KIAA0825: variants seen among roughly 807,000 people sequenced by gnomAD.
KIAA0825 encodes uncharacterized protein KIAA0825.
A neutral mutation model predicts 147.6 loss-of-function variants in KIAA0825; 119 were observed. The observed-to-expected ratio is 0.81, with a 90% CI of 0.69 to 0.94. The LOEUF (loss-of-function observed/expected upper bound fraction) is 0.94. Among genes scored for constraint, KIAA0825 ranks in the 40% least tolerant of loss-of-function variants. The pLI is 0.00. For missense variants in KIAA0825, 1,381 were observed against 1,472.7 expected, an observed-to-expected ratio of 0.94 and a Z score of 1.02; for synonymous variants, 470 against 518.1, an observed-to-expected ratio of 0.91 and a Z score of 1.26.
At chr5:94,329,277 G>T (rs1397204656) in intron 20 of KIAA0825, among the ~76,000 whole-genome samples, 2 of 151,754 alleles carry the variant, frequency 1.3e-5, no homozygotes, top group Non-Finnish European at 2.9e-5. Context: ...AAGCATAATT[G>T]GTGTCCCTAA....
At chr5:94,478,451 T>TCTCACACACACACA (rs1554289711) in intron 6 of KIAA0825, among the ~76,000 whole-genome samples, 80 of 146,246 alleles carry the variant, frequency 5.5e-4, no homozygotes, top group African/African-American at 1.9e-3. Context: ...CACATGTGCA[T>TCTCACACACACACA]CACACACACA....
intron 20 of KIAA0825, among the ~76,000 whole-genome samples, chr5:94,371,548 C>T (rs191474613): frequency 1.2e-4 from 19 of 152,154 alleles, no homozygotes; most frequent in African/African-American, 3.6e-4. Flanking sequence ...GAGAGCCGAG[C>T]GAGGGGGGAA....
intron 8 of KIAA0825, among the ~76,000 whole-genome samples, chr5:94,472,550 C>T (rs531212564): frequency 6.6e-6 from 1 of 152,246 alleles, no homozygotes; most frequent in African/African-American, 2.4e-5. Context: ...TGAGACCATC[C>T]TGACTAACAC....
chr5:94,223,182 C>T (rs542137621), intron 20 of KIAA0825, among the ~76,000 whole-genome samples: 4 of 152,226 alleles, frequency 2.6e-5, no homozygotes, highest in African/African-American at 7.2e-5. Flanking sequence ...TTTTAACTTT[C>T]GAAAGTTAAT....
Position 94,466,291 on chromosome 5 carries a change from G to A in KIAA0825, c.1873-1232C>T, listed in dbSNP as rs188598784. Among the ~76,000 whole-genome samples, 8 of 152,068 alleles carry A rather than the reference G, an allele frequency of 5.3e-5. No homozygotes were observed. The East Asian group carries it at 5.8e-4, about 11-fold the overall frequency. On this transcript the variant is annotated intron_variant, in intron 10 of 20. Transcript: ENST00000682413. ...TAATAATTTATAGTTATTATCTACCGACTTTCAAATGACATTTATAAACCA... is the reference window on the plus strand; with the variant it reads ...TAATAATTTATAGTTATTATCTACCAACTTTCAAATGACATTTATAAACCA...
chr5:94,589,981 C>T (rs193018755), intron 1 of KIAA0825, among the ~76,000 whole-genome samples: 1 of 151,922 alleles, frequency 6.6e-6, no homozygotes, highest in African/African-American at 2.4e-5. Flanking sequence ...AGGTAGACTC[C>T]AATGGTTTCT....
At chr5:94,188,478 C>T (rs1770362250) in intron 20 of KIAA0825, among the ~76,000 whole-genome samples, 1 of 152,128 alleles carries the variant, frequency 6.6e-6, no homozygotes, top group African/African-American at 2.4e-5. Flanking sequence ...GCTATGCTTT[C>T]TGTCATTATA....
intron 20 of KIAA0825, among the ~76,000 whole-genome samples, chr5:94,228,469 A>C (rs1174985659): frequency 2.0e-5 from 3 of 152,168 alleles, no homozygotes; most frequent in Non-Finnish European, 4.4e-5. Context: ...CCAAGGACTC[A>C]GGCTTCCTCC....
chr5:94,523,884 C>A, intron 4 of KIAA0825, 46 bp downstream of exon 4: 1 of 1,258,586 alleles, frequency 7.9e-7, no homozygotes, highest in Non-Finnish European at 1.1e-6. Context: ...AGTTGTATTC[C>A]CTGTTTACTC....
chr5:94,613,419 G>C (rs1032576984), intron 1 of KIAA0825, among the ~76,000 whole-genome samples: 1 of 152,032 alleles, frequency 6.6e-6, no homozygotes, highest in Non-Finnish European at 1.5e-5. Context: ...GGCTGGTCTC[G>C]GACTCCTTGT....
Position 94,282,319 on chromosome 5 carries a change from T to G in KIAA0825, c.3710+102049A>C, listed in dbSNP as rs1480868633. Among the ~76,000 whole-genome samples, 3 of 152,112 alleles carry G rather than the reference T, an allele frequency of 2.0e-5. No homozygotes were observed. In the East Asian group the frequency reaches 5.8e-4, roughly 29 times the overall value. On this transcript the variant is annotated intron_variant, in intron 20 of 20. Coordinates refer to ENST00000682413, the MANE Select transcript of KIAA0825 (RefSeq NM_001145678.3). ...GATTTTTTTTATGAATTCAAACTTA[T>G]TTTAAAATTTATATGATTATAACTA...
chr5:94,340,287 G>A (rs1782241934), intron 20 of KIAA0825, among the ~76,000 whole-genome samples: 1 of 152,020 alleles, frequency 6.6e-6, no homozygotes. Flanking sequence ...ATGCTGTATT[G>A]TTTAGGAAAT....
intron 6 of KIAA0825, among the ~76,000 whole-genome samples, chr5:94,479,650 G>A (rs540486947): frequency 6.6e-6 from 1 of 152,052 alleles, no homozygotes; most frequent in Non-Finnish European, 1.5e-5. Flanking sequence ...GTAAAACTAT[G>A]TTTAGCTTTG....
intron 5 of KIAA0825, among the ~76,000 whole-genome samples, chr5:94,497,343 C>T (rs1299361798): frequency 6.6e-6 from 1 of 152,144 alleles, no homozygotes; most frequent in Non-Finnish European, 1.5e-5. Flanking sequence ...AATCATCTTT[C>T]ATTTGCGTAT....
intron 20 of KIAA0825, among the ~76,000 whole-genome samples, chr5:94,235,203 C>A (rs899396011): frequency 1.3e-5 from 2 of 152,150 alleles, no homozygotes; most frequent in African/African-American, 4.8e-5. Flanking sequence ...TTGCACCAGG[C>A]AGGCAGCCAG....
chr5:94,172,758 A>G (rs567848297), intron 20 of KIAA0825, among the ~76,000 whole-genome samples: 133 of 152,280 alleles, frequency 8.7e-4, no homozygotes, highest in African/African-American at 3.1e-3. Context: ...CGTTGCTCAA[A>G]TGCAATGTGG....
chr5:94,534,598 T>A (rs913483023), intron 3 of KIAA0825, among the ~76,000 whole-genome samples: 1 of 152,194 alleles, frequency 6.6e-6, no homozygotes, highest in Non-Finnish European at 1.5e-5. Context: ...ATATTGTATT[T>A]TCTTTTTAAC....
chr5:94,403,013 T>C (rs1473762048), intron 16 of KIAA0825, among the ~76,000 whole-genome samples: 1 of 152,078 alleles, frequency 6.6e-6, no homozygotes, highest in Non-Finnish European at 1.5e-5. Flanking sequence ...GTGGATGCGC[T>C]GTTCTGAATA....
intron 20 of KIAA0825, among the ~76,000 whole-genome samples, chr5:94,174,278 G>A (rs1768889786): frequency 6.6e-6 from 1 of 152,136 alleles, no homozygotes; most frequent in African/African-American, 2.4e-5. Context: ...CCAAGTCCAA[G>A]ATAAATTGAG....
Sources: gnomAD v4.1 joint callset for allele counts (sites outside exome capture counted in the v4.1 genomes callset) on GRCh38, gnomAD v4.1.1 for gene constraint, MANE v1.5 for transcripts, NCBI Gene and HGNC (gene_info 2026-07-23, HGNC 2026-07-21) for gene names.